KCNH5: variants seen among roughly 807,000 people sequenced by gnomAD.
The protein encoded by KCNH5 is voltage-gated delayed rectifier potassium channel KCNH5.
KCNH5 carries 46 observed loss-of-function variants against 96.1 expected under a neutral mutation model. The observed-to-expected ratio is 0.48, with a 90% confidence interval of 0.38 to 0.61. KCNH5 has a LOEUF of 0.61. KCNH5 is among the 20% of genes least tolerant of loss of function. The pLI is 0.00. For synonymous variants in KCNH5, 439 were observed against 449.8 expected (o/e 0.98, Z 0.30); for missense variants, 907 against 1,225.8 (o/e 0.74, Z 3.88).
At chr14:62,832,040 T>C (rs1424483679) in intron 8 of KCNH5, among the ~76,000 whole-genome samples, 1 of 152,204 alleles carries the variant, frequency 6.6e-6, no homozygotes, top group African/African-American at 2.4e-5. Flanking sequence ...TAGTTACATT[T>C]ATCGATATTT....
chr14:62,994,006 T>C (rs1330686437), intron 4 of KCNH5, among the ~76,000 whole-genome samples: 2 of 152,076 alleles, frequency 1.3e-5, no homozygotes, highest in Non-Finnish European at 2.9e-5. Flanking sequence ...TTAGCTCTAT[T>C]GGGTTGCAAT....
intron 8 of KCNH5, among the ~76,000 whole-genome samples, chr14:62,830,145 A>G: frequency 6.6e-6 from 1 of 152,124 alleles, no homozygotes; most frequent in South Asian, 2.1e-4. Flanking sequence ...CCTCATCTTC[A>G]TCTAAGACCA....
At chr14:62,734,353 A>G (rs1156683534) in intron 10 of KCNH5, among the ~76,000 whole-genome samples, 2 of 152,062 alleles carry the variant, frequency 1.3e-5, no homozygotes, top group African/African-American at 4.8e-5. Flanking sequence ...CCTTACCTCT[A>G]TCCTCAGTTT....
intron 7 of KCNH5, among the ~76,000 whole-genome samples, chr14:62,876,866 C>G (rs183190800): frequency 6.6e-6 from 1 of 152,080 alleles, no homozygotes; most frequent in Admixed American, 6.5e-5. Context: ...AACAGGATCT[C>G]CACATAAAAC....
chr14:62,869,208 T>A (rs1888199374), intron 7 of KCNH5, among the ~76,000 whole-genome samples: 1 of 152,122 alleles, frequency 6.6e-6, no homozygotes, highest in Non-Finnish European at 1.5e-5. Flanking sequence ...GTTATTTCCT[T>A]ACTTTTTAAT....
intron 8 of KCNH5, among the ~76,000 whole-genome samples, chr14:62,842,922 G>A (rs1887614858): frequency 6.6e-6 from 1 of 152,036 alleles, no homozygotes; most frequent in Non-Finnish European, 1.5e-5. Context: ...ATATATAATA[G>A]TACTCCAAAT....
chr14:62,858,031 A>G (rs2140054116), intron 7 of KCNH5, among the ~76,000 whole-genome samples: 1 of 152,326 alleles, frequency 6.6e-6, no homozygotes, highest in East Asian at 1.9e-4. Context: ...AGTTAACAAT[A>G]CTTAAATGCT....
chr14:62,918,432 C>T (rs1053619045), intron 7 of KCNH5, among the ~76,000 whole-genome samples: 4 of 151,724 alleles, frequency 2.6e-5, no homozygotes, highest in Admixed American at 6.6e-5. Flanking sequence ...AAAATAGGAC[C>T]GAAGAATCAA....
chr14:62,758,426 A>G (rs955233571), intron 10 of KCNH5, among the ~76,000 whole-genome samples: 2 of 152,170 alleles, frequency 1.3e-5, no homozygotes, highest in Non-Finnish European at 2.9e-5. Flanking sequence ...TCTTTTAAAA[A>G]AAGAACCATC....
At chr14:62,976,636 C>T (rs1890505648) in intron 6 of KCNH5, among the ~76,000 whole-genome samples, 1 of 152,106 alleles carries the variant, frequency 6.6e-6, no homozygotes. Context: ...CAGAAAGTTA[C>T]AGAACCTTAG....
chr14:62,840,062 A>G (rs186184599), intron 8 of KCNH5, among the ~76,000 whole-genome samples: 1 of 152,266 alleles, frequency 6.6e-6, no homozygotes, highest in East Asian at 1.9e-4. Context: ...TGAACAACAT[A>G]AGAGCAGGGA....
chr14:62,738,240 T>C (rs1885199784), intron 10 of KCNH5, among the ~76,000 whole-genome samples: 1 of 152,168 alleles, frequency 6.6e-6, no homozygotes, highest in African/African-American at 2.4e-5. Context: ...GGGATGGAGC[T>C]GGACTGCTTC....
intron 10 of KCNH5, among the ~76,000 whole-genome samples, chr14:62,743,259 A>ATTT (rs1885309048): frequency 6.6e-6 from 1 of 152,134 alleles, no homozygotes; most frequent in Admixed American, 6.5e-5. Context: ...TTCTAATTTA[A>ATTT]ATTAGTTTGG....
chr14:62,947,983 C>A (rs564504023), intron 7 of KCNH5, among the ~76,000 whole-genome samples: 2 of 152,054 alleles, frequency 1.3e-5, no homozygotes, highest in Admixed American at 1.3e-4. Context: ...CCCTCTCCCC[C>A]CACCCCACAA....
chr14:63,016,862 C>T lies in KCNH5; in HGVS notation c.166G>A (p.Ala56Thr). The change falls in exon 2 of 11, where the codon GCT becomes ACT. Residue 56 changes from alanine to threonine, a missense_variant. Ala to Thr is a moderately conservative substitution (Grantham distance 58, BLOSUM62 0). This residue lies in a region of KCNH5 where 370 missense variants were observed against 561.3 expected (regional missense o/e 0.66). Coordinates refer to ENST00000322893, the MANE Select transcript of KCNH5 (RefSeq NM_139318.5). ...GTGCTGCTTTTCTGCATGACGTCAG[C>T]TCGATGATATCCAGAGAGTTTACAA... ...GFCKLSGYHRADVMQKSSTCS... is the reference protein window; with the variant it reads ...GFCKLSGYHRTDVMQKSSTCS... The T allele has an allele frequency of 1.9e-6, 3 of 1,611,526 alleles. No homozygotes were observed. In the South Asian group the frequency reaches 3.3e-5, roughly 18 times the overall value.
chr14:62,716,257 C>T (rs1884682276), intron 10 of KCNH5, among the ~76,000 whole-genome samples: 1 of 152,200 alleles, frequency 6.6e-6, no homozygotes, highest in Non-Finnish European at 1.5e-5. Context: ...TTTTGATTCA[C>T]TGTATCAAAC....
chr14:62,936,386 AAAAC>A (rs932830455), intron 7 of KCNH5, among the ~76,000 whole-genome samples: 1 of 152,144 alleles, frequency 6.6e-6, no homozygotes, highest in African/African-American at 2.4e-5. Flanking sequence ...AGAAGAAAGA[AAAAC>A]AAGCTCAGGT....
intron 10 of KCNH5, among the ~76,000 whole-genome samples, chr14:62,725,077 A>G (rs967008457): frequency 6.6e-6 from 1 of 152,202 alleles, no homozygotes; most frequent in African/African-American, 2.4e-5. Context: ...TTTCACTGAA[A>G]TCTTCCTAAA....
At chr14:62,894,303 C>T (rs1034030287) in intron 7 of KCNH5, among the ~76,000 whole-genome samples, 6 of 152,156 alleles carry the variant, frequency 3.9e-5, no homozygotes, top group Non-Finnish European at 8.8e-5. Flanking sequence ...CACACAGGCA[C>T]ACTGAATCTA....
Sources: gnomAD v4.1 joint callset for allele counts (sites outside exome capture counted in the v4.1 genomes callset) on GRCh38, gnomAD v4.1.1 for gene constraint, gnomAD v4.1.1 regional missense constraint, MANE v1.5 for transcripts, NCBI Gene and HGNC (gene_info 2026-07-23, HGNC 2026-07-21) for gene names.